The following LITAF variants were observed in gnomAD, a reference collection of about 807,000 sequenced individuals.
LITAF encodes the protein lipopolysaccharide induced TNF factor.
LITAF carries 9 observed loss-of-function variants against 14.5 expected under a neutral mutation model. The observed-to-expected ratio is 0.62, with a 90% CI of 0.37 to 1.08. LITAF has a LOEUF of 1.08. Ranked by LOEUF, LITAF falls within the 50% of genes least tolerant of loss-of-function variation. The pLI, the probability that LITAF is intolerant of heterozygous loss-of-function variation, is 0.01. For synonymous variants in LITAF, 98 were observed against 88.2 expected, an observed-to-expected ratio of 1.11 and a Z score of -0.62; for missense variants, 206 against 213.4, an observed-to-expected ratio of 0.97 and a Z score of 0.22.
At chr16:11,569,469 T>C (rs1641716619) in intron 1 of LITAF, among the ~76,000 whole-genome samples, 1 of 152,134 alleles carries the variant, frequency 6.6e-6, no homozygotes, top group African/African-American at 2.4e-5. Context: ...CTCGAACTCC[T>C]GGCCTCAAGT....
upstream of LITAF, among the ~76,000 whole-genome samples, chr16:11,598,737 G>A (rs905021406): frequency 6.6e-6 from 1 of 152,128 alleles, no homozygotes. Context: ...CTATGTTTTT[G>A]TTCTCTCAGC....
At chr16:11,608,963 A>C (rs915255943) in intron 3 of LITAF, among the ~76,000 whole-genome samples, 3 of 102,122 alleles carry the variant, frequency 2.9e-5, no homozygotes, top group East Asian at 3.5e-4. Flanking sequence ...ACACACAAAA[A>C]AAACAAAACA....
At chr16:11,576,534 CAAAAA>C (rs66551972) in intron 1 of LITAF, among the ~76,000 whole-genome samples, 6 of 62,964 alleles carry the variant, frequency 9.5e-5, no homozygotes, top group Admixed American at 1.7e-4. Flanking sequence ...TTACAATCTG[CAAAAA>C]AAAAAAAAAA....
intron 1 of LITAF, among the ~76,000 whole-genome samples, chr16:11,571,378 T>C (rs2064539383): frequency 6.6e-6 from 1 of 152,186 alleles, no homozygotes; most frequent in Non-Finnish European, 1.5e-5. Flanking sequence ...ACACATTGCA[T>C]TTAATCTGAG....
chr16:11,597,790 T>C (rs1248836758), intron 1 of LITAF, among the ~76,000 whole-genome samples: 1 of 152,196 alleles, frequency 6.6e-6, no homozygotes, highest in Non-Finnish European at 1.5e-5. Flanking sequence ...GAGAGCCCTC[T>C]GCCTGTTTTC....
intron 3 of LITAF, among the ~76,000 whole-genome samples, chr16:11,629,387 G>A (rs1055554388): frequency 1.3e-5 from 2 of 152,234 alleles, no homozygotes; most frequent in Non-Finnish European, 2.9e-5. Context: ...GAGACAAGGT[G>A]CAGGAGGAAG....
At chr16:11,614,073 G>A (rs376419208) in intron 3 of LITAF, among the ~76,000 whole-genome samples, 5 of 152,236 alleles carry the variant, frequency 3.3e-5, no homozygotes, top group African/African-American at 9.6e-5. Flanking sequence ...GGCAGCTGAG[G>A]CTTGTGCAGG....
At chr16:11,591,328 G>A (rs2064844591), upstream of LITAF, among the ~76,000 whole-genome samples, 2 of 115,018 alleles carry the variant, frequency 1.7e-5, 1 homozygote, top group African/African-American at 8.4e-5. Context: ...GGGACTACAG[G>A]TGCGCACCAC....
upstream of LITAF, among the ~76,000 whole-genome samples, chr16:11,600,170 G>C (rs951893707): frequency 6.6e-6 from 1 of 151,936 alleles, no homozygotes; most frequent in Non-Finnish European, 1.5e-5. This position sits in a 1 kb window ranked among gnomAD's most constrained non-coding sequence, Gnocchi z 4.1. Flanking sequence ...GCTTGTTTTT[G>C]TATTTTTTAT....
At chr16:11,606,226 T>A (rs553505641) in intron 3 of LITAF, among the ~76,000 whole-genome samples, 204 of 152,242 alleles carry the variant, frequency 1.3e-3, no homozygotes, top group African/African-American at 4.6e-3. Context: ...TGGAGTGCAG[T>A]GGCATGATCT....
At chr16:11,566,572 C>T (rs1037541324) in intron 1 of LITAF, among the ~76,000 whole-genome samples, 2 of 152,174 alleles carry the variant, frequency 1.3e-5, no homozygotes, top group South Asian at 2.1e-4. Context: ...GAGACCGGCC[C>T]GGGCAACATA....
At chr16:11,551,626 G>A (rs559316703) in intron 3 of LITAF, 1 of 546,478 alleles carries the variant, frequency 1.8e-6, no homozygotes, top group East Asian at 3.2e-5. Context: ...TTCAAGACCA[G>A]CCTGGGCAAC....
At chr16:11,551,712 G>C (rs1265728486) in intron 3 of LITAF, 5 of 667,864 alleles carry the variant, frequency 7.5e-6, no homozygotes, top group Non-Finnish European at 1.1e-5. Flanking sequence ...CACACCTGTG[G>C]TCCCAGGTAC....
At position 11,549,031 on chromosome 16, in the gene LITAF, G is replaced by A. The variant is rs973607151; in HGVS notation, c.*606C>T. On this transcript the variant is annotated 3_prime_UTR_variant, in exon 4 of 4. Transcript: ENST00000622633. The surrounding 1 kb of genome is among the most constrained non-coding windows in gnomAD (Gnocchi z 4.6). ...CCTTGTGGATATGTCTGTACTGGGT[G>A]TTAATAGCCCCCTCCTTGTATTTAA... The A allele has an allele frequency of 2.4e-5, 11 of 451,508 alleles. No homozygotes were observed. Among genetic ancestry groups the A allele is most frequent in the Non-Finnish European group, 4.4e-5 (10 of 226,366 alleles). The allele number at this position is 451,508 out of a possible 1,614,324, so 28.0% of individuals were successfully genotyped here. A position where few individuals can be genotyped will look rare whatever the true frequency, so the allele number is the denominator to read the frequency against.
At position 11,632,725 on chromosome 16, in the gene LITAF, C is replaced by T. The variant is rs7193941; in HGVS notation, c.85+808G>A. ...TTCGGTTCTGCAAATGCCACTGGCTCTGCTGGCTCTGAGCGCAGAGTCCAG... is the reference window on the plus strand; with the variant it reads ...TTCGGTTCTGCAAATGCCACTGGCTTTGCTGGCTCTGAGCGCAGAGTCCAG... On this transcript the variant is annotated intron_variant, in intron 3 of 3. Transcript: ENST00000574848. The surrounding 1 kb of genome is among the most constrained non-coding windows in gnomAD (Gnocchi z 4.8). Among the ~76,000 whole-genome samples, 24,709 of 152,236 alleles carry T rather than the reference C, an allele frequency of 0.16. 2,264 individuals are homozygous for T. The highest frequency in any genetic ancestry group is 0.22 in the Non-Finnish European group (14,752 of 67,998).
chr16:11,593,034 T>G (rs12920710), intron 1 of LITAF, among the ~76,000 whole-genome samples: 63,959 of 151,836 alleles, frequency 0.42, 14,596 homozygotes, highest in African/African-American at 0.6. Flanking sequence ...AGCCGGGCGT[T>G]ATGGCAGGCG....
chr16:11,626,111 A>T (rs920929766), intron 3 of LITAF, among the ~76,000 whole-genome samples: 5 of 152,148 alleles, frequency 3.3e-5, no homozygotes, highest in African/African-American at 1.2e-4. Flanking sequence ...TTGTTCCAAT[A>T]AATGGTATGA....
intron 3 of LITAF, among the ~76,000 whole-genome samples, chr16:11,625,952 G>T (rs2065081035): frequency 6.6e-6 from 1 of 152,098 alleles, no homozygotes; most frequent in South Asian, 2.1e-4. Flanking sequence ...AGCACAGAGA[G>T]GTTGGGTGAC....
intron 3 of LITAF, among the ~76,000 whole-genome samples, chr16:11,607,960 G>A (rs781384530): frequency 6.6e-6 from 1 of 152,094 alleles, no homozygotes; most frequent in Admixed American, 6.6e-5. Context: ...AAGAACCCCT[G>A]TCCCAGCTCC....
Sources: gnomAD v4.1 joint callset for allele counts (sites outside exome capture counted in the v4.1 genomes callset) on GRCh38, gnomAD v4.1.1 for gene constraint, Gnocchi (gnomAD v3.1) non-coding constraint, MANE v1.5 for transcripts, NCBI Gene and HGNC (gene_info 2026-07-23, HGNC 2026-07-21) for gene names.